The following NSD2 variants were observed in gnomAD, a reference collection of about 807,000 sequenced individuals.
NSD2 encodes histone-lysine N-methyltransferase NSD2.
Under a neutral mutation model 139.0 loss-of-function variants are expected in NSD2, and 12 were observed. The ratio of observed to expected loss-of-function variants is 0.09; its 90% CI spans 0.06 to 0.14. The LOEUF is 0.14. Ranked by LOEUF, NSD2 falls within the 10% of genes least tolerant of loss-of-function variation. The probability of loss-of-function intolerance (pLI) is 1.00; values close to 1 mark genes in which losing one functional copy is unlikely to be tolerated. For missense variants in NSD2, 1,155 were observed against 1,745.0 expected, an observed-to-expected ratio of 0.66 and a Z score of 6.02; for synonymous variants, 669 against 648.7, an observed-to-expected ratio of 1.03 and a Z score of -0.48.
At position 1,958,407 on chromosome 4, in the gene NSD2, C is replaced by T. The variant is rs1484392408; in HGVS notation, c.2985+371C>T. Among the ~76,000 whole-genome samples the T allele has an allele frequency of 6.6e-6, 1 of 152,198 alleles. No homozygotes were observed. Among genetic ancestry groups the T allele is most frequent in the Non-Finnish European group, 1.5e-5 (1 of 68,038 alleles). On this transcript the variant is annotated intron_variant, in intron 16 of 21. Transcript: ENST00000508803. This position sits in a 1 kb window ranked among gnomAD's most constrained non-coding sequence, Gnocchi z 4.6. ...GGGCTCAGTGACTGAGCCCCAAACACGTAGATCCTGTACCTCAGAGAGCAA... is the reference window on the plus strand; with the variant it reads ...GGGCTCAGTGACTGAGCCCCAAACATGTAGATCCTGTACCTCAGAGAGCAA...
At chr4:1,905,981 C>T (rs1356328441) in intron 3 of NSD2, among the ~76,000 whole-genome samples, 2 of 152,184 alleles carry the variant, frequency 1.3e-5, no homozygotes, top group Non-Finnish European at 2.9e-5. Flanking sequence ...CGGGTGCAGG[C>T]ACACATGGGT....
chr4:1,918,436 C>T lies in NSD2; in HGVS notation c.1223C>T (p.Ser408Phe). 1 of 1,614,128 alleles carries T rather than the reference C, an allele frequency of 6.2e-7. No homozygotes were observed. Among genetic ancestry groups the T allele is most frequent in the Non-Finnish European group, 8.5e-7 (1 of 1,180,044 alleles). The change falls in exon 5 of 22, where the codon TCT becomes TTT. Residue 408 changes from serine (S) to phenylalanine (F), a missense_variant. This residue lies in a region of NSD2 where 420 missense variants were observed against 469.0 expected (regional missense o/e 0.90). Coordinates refer to ENST00000508803, the MANE Select transcript of NSD2 (RefSeq NM_001042424.3). ...KRRRRAKLCSSAETLESHPDI... is the reference protein window; with the variant it reads ...KRRRRAKLCSFAETLESHPDI... ...AGGCGGAGGGCCAAACTGTGTAGCT[C>T]TGCAGAGACCCTGGAGAGTCACCCC...
chr4:1,901,279 C>A, intron 2 of NSD2, 28 bp downstream of exon 2: 1 of 1,532,130 alleles, frequency 6.5e-7, no homozygotes, highest in South Asian at 1.3e-5. Flanking sequence ...TGTAAGGGGT[C>A]ATGTGACCTT....
chr4:1,961,837 A>T (rs2108979478), intron 18 of NSD2, among the ~76,000 whole-genome samples: 2 of 152,268 alleles, frequency 1.3e-5, no homozygotes, highest in Admixed American at 1.3e-4. Context: ...TGGCTTCTGG[A>T]TGACTTCAGC....
At chr4:1,959,443 A>G (rs1725152803) in intron 16 of NSD2, 28 bp from the exon 17 acceptor site, 1 of 1,605,770 alleles carries the variant, frequency 6.2e-7, no homozygotes, top group South Asian at 1.1e-5. Flanking sequence ...TCATGTGTGG[A>G]CCAAGACAGC....
intron 1 of NSD2, among the ~76,000 whole-genome samples, chr4:1,888,442 T>C (rs534451681): frequency 2.4e-3 from 362 of 150,926 alleles, no homozygotes; most frequent in African/African-American, 8.1e-3. Context: ...AAAAAAGACT[T>C]TATATGCCAG....
At chr4:1,918,867 G>T (rs1719761052) in intron 5 of NSD2, 4 of 439,026 alleles carry the variant, frequency 9.1e-6, no homozygotes, top group Non-Finnish European at 1.6e-5. Flanking sequence ...CCGAGAACAG[G>T]CCAGGCACAG....
intron 3 of NSD2, among the ~76,000 whole-genome samples, chr4:1,915,563 G>A (rs903024022): frequency 6.6e-6 from 1 of 152,092 alleles, no homozygotes; most frequent in African/African-American, 2.4e-5. Flanking sequence ...ATTCATTTCT[G>A]TGTGTTTTGG....
At chr4:1,923,895 T>C (rs900269492) in intron 5 of NSD2, among the ~76,000 whole-genome samples, 1 of 152,104 alleles carries the variant, frequency 6.6e-6, no homozygotes, top group Non-Finnish European at 1.5e-5. Flanking sequence ...CTATCACTTG[T>C]GTAGTTTGAA....
At chr4:1,884,971 G>A (rs1317088503) in intron 1 of NSD2, among the ~76,000 whole-genome samples, 3 of 151,872 alleles carry the variant, frequency 2.0e-5, no homozygotes, top group Non-Finnish European at 2.9e-5. Flanking sequence ...TTAGCCAGGC[G>A]TGGTGGCGGC....
chr4:1,953,037 C>A (rs1348452656), intron 11 of NSD2: 6 of 1,444,764 alleles, frequency 4.2e-6, no homozygotes, highest in Admixed American at 2.8e-5. Context: ...CCCCTTCTTT[C>A]AAGCTTCTTG....
chr4:1,940,314 G>A (rs1161575430), intron 9 of NSD2: 2 of 1,071,776 alleles, frequency 1.9e-6, no homozygotes, highest in African/African-American at 3.3e-5. Context: ...TTACTTGAGT[G>A]TTGAGGTGAG....
At chr4:1,950,542 C>T (rs1007131979) in intron 9 of NSD2, among the ~76,000 whole-genome samples, 3 of 152,220 alleles carry the variant, frequency 2.0e-5, no homozygotes, top group Admixed American at 2.0e-4. Flanking sequence ...GACTCTGCAC[C>T]CCCGCGTAGG....
At chr4:1,960,995 A>C (rs1166269270) in intron 17 of NSD2, 40 bp from the exon 18 acceptor site, 1 of 1,566,584 alleles carries the variant, frequency 6.4e-7, no homozygotes, top group South Asian at 1.1e-5. Context: ...AGGATTGGTC[A>C]GCACGCTTTT....
In NSD2 at chr4:1,979,085, C is replaced by T. The variant is rs187504628; in HGVS notation, c.*176C>T. On this transcript the variant is annotated 3_prime_UTR_variant, in exon 22 of 22. Coordinates refer to ENST00000508803, the MANE Select transcript of NSD2 (RefSeq NM_001042424.3). ...CCACTGAGCCATCCTCAGCAGCGTC[C>T]GCTGCGTCTGCACTGATGACCGTCT... is the stretch of plus-strand genomic sequence containing the variant. 252 of 755,394 alleles carry T rather than the reference C, an allele frequency of 3.3e-4. No individual in the cohort carries two copies. The African/African-American group carries it at 4.1e-3, about 12-fold the overall frequency. The allele number at this position is 755,394 out of a possible 1,614,324, so 46.8% of individuals were successfully genotyped here. A position where few individuals can be genotyped will look rare whatever the true frequency, so the allele number is the denominator to read the frequency against.
intron 1 of NSD2, among the ~76,000 whole-genome samples, chr4:1,894,763 C>T (rs980554973): frequency 3.3e-5 from 5 of 151,904 alleles, no homozygotes; most frequent in African/African-American, 1.2e-4. Context: ...AATGTAAGCT[C>T]CTTGAAGGTA....
In NSD2 at chr4:1,942,700, A is replaced by C. The variant is rs1161361068; in HGVS notation, c.1881+2922A>C. The C allele has an allele frequency of 8.9e-7, 1 of 1,118,300 alleles. No individual in the cohort carries two copies. The highest frequency in any genetic ancestry group is 1.6e-5 in the African/African-American group (1 of 62,308). 69.3% of individuals were successfully genotyped at this position (1,118,300 alleles called of 1,614,324 possible). On this transcript the variant is annotated intron_variant, in intron 9 of 21. Coordinates refer to ENST00000508803, the MANE Select transcript of NSD2 (RefSeq NM_001042424.3). The surrounding 1 kb of genome is among the most constrained non-coding windows in gnomAD (Gnocchi z 4.0). ...GTTGGGGGCTGTCCAGAGCTGCAGC[A>C]GGGCTTTGCACGGAAGGGGTGGCCC... is the stretch of plus-strand genomic sequence containing the variant.
Position 1,901,254 on chromosome 4 carries a change from A to G in NSD2, c.597+3A>G. Reference sequence around the variant, plus strand: ...TCTCAAGTCCTTCAGATAAAAAGGTATTTAGGAGACGTTGTGTAAGGGGTC... The same window carrying G: ...TCTCAAGTCCTTCAGATAAAAAGGTGTTTAGGAGACGTTGTGTAAGGGGTC... On this transcript the variant is annotated splice_donor_region_variant and intron_variant, in intron 2 of 21. Transcript: ENST00000508803. 1 of 1,555,522 alleles carries G rather than the reference A, an allele frequency of 6.4e-7. No homozygotes were observed.
rs1157441252 is a variant in NSD2, at chr4:1,945,704, G to A, written c.1882-5368G>A. 14 of 1,063,344 alleles carry A rather than the reference G, an allele frequency of 1.3e-5. No homozygotes were observed. In the Admixed American group the frequency reaches 7.5e-4, roughly 57 times the overall value. 65.9% of individuals were successfully genotyped at this position (1,063,344 alleles called of 1,614,324 possible). Reference sequence around the variant, plus strand: ...AAAAGTCCTTGGCTCGTTTGATCCAGTTGAGTTGAAAGGGTTGCCTTGGCA... The same window carrying A: ...AAAAGTCCTTGGCTCGTTTGATCCAATTGAGTTGAAAGGGTTGCCTTGGCA... On this transcript the variant is annotated intron_variant, in intron 9 of 21. Coordinates refer to ENST00000508803, the MANE Select transcript of NSD2 (RefSeq NM_001042424.3).
Sources: gnomAD v4.1 joint callset for allele counts (sites outside exome capture counted in the v4.1 genomes callset) on GRCh38, gnomAD v4.1.1 for gene constraint, gnomAD v4.1.1 regional missense constraint, Gnocchi (gnomAD v3.1) non-coding constraint, MANE v1.5 for transcripts, NCBI Gene and HGNC (gene_info 2026-07-23, HGNC 2026-07-21) for gene names.